The following CNIH3 variants were observed in gnomAD, a reference collection of about 807,000 sequenced individuals.
CNIH3 encodes protein cornichon homolog 3.
In CNIH3, 14 loss-of-function variants were observed where a neutral mutation model predicts 24.1. The ratio of observed to expected loss-of-function variants is 0.58; its 90% CI spans 0.38 to 0.91. The LOEUF (loss-of-function observed/expected upper bound fraction) is 0.91. CNIH3 is among the 40% of genes least tolerant of loss of function. The probability of loss-of-function intolerance (pLI) is 0.00; values close to 1 mark genes in which losing one functional copy is unlikely to be tolerated. For missense variants in CNIH3, 178 were observed against 196.8 expected (o/e 0.90, Z 0.57); for synonymous variants, 68 against 73.8 (o/e 0.92, Z 0.40).
At chr1:224,463,743 G>C (rs1247072791) in intron 1 of CNIH3, among the ~76,000 whole-genome samples, 1 of 103,752 alleles carries the variant, frequency 9.6e-6, no homozygotes, top group African/African-American at 3.9e-5. Context: ...GCTTTGTGAT[G>C]ATTTTTCTCC....
chr1:224,444,671 A>G (rs1675069388), intron 1 of CNIH3, among the ~76,000 whole-genome samples: 2 of 147,380 alleles, frequency 1.4e-5, no homozygotes, highest in Non-Finnish European at 3.0e-5. Flanking sequence ...TTTAGACGGA[A>G]TCTTTCTCTG....
chr1:224,556,103 C>T (rs1038820271), intron 3 of CNIH3, among the ~76,000 whole-genome samples: 10 of 152,016 alleles, frequency 6.6e-5, no homozygotes, highest in Non-Finnish European at 1.5e-5. Context: ...AATTCTTTGC[C>T]TGCAGGCATA....
intron 3 of CNIH3, among the ~76,000 whole-genome samples, chr1:224,722,389 A>G (rs745948828): frequency 6.6e-6 from 1 of 152,194 alleles, no homozygotes; most frequent in African/African-American, 2.4e-5. Context: ...GCTCTAGGCA[A>G]TTTGGATGCA....
chr1:224,621,378 AC>A (rs1683270635), intron 1 of CNIH3, among the ~76,000 whole-genome samples: 2 of 152,240 alleles, frequency 1.3e-5, no homozygotes, highest in African/African-American at 4.8e-5. Flanking sequence ...CCACCTGGAA[AC>A]AAAAAATGGG....
chr1:224,516,911 A>G (rs2124906109), intron 1 of CNIH3, among the ~76,000 whole-genome samples: 1 of 151,964 alleles, frequency 6.6e-6, no homozygotes, highest in South Asian at 2.1e-4. Context: ...TAGGAGCTAT[A>G]GGTATAAAGC....
At chr1:224,735,979 A>G (rs1689573865) in intron 5 of CNIH3, among the ~76,000 whole-genome samples, 1 of 151,992 alleles carries the variant, frequency 6.6e-6, no homozygotes, top group Admixed American at 6.6e-5. Context: ...CTTTGTACGT[A>G]TCGCTCAATT....
intron 1 of CNIH3, among the ~76,000 whole-genome samples, chr1:224,461,622 C>G (rs1341459423): frequency 6.6e-6 from 1 of 152,226 alleles, no homozygotes; most frequent in African/African-American, 2.4e-5. Context: ...GTGATTTAAA[C>G]AGTTTTAAAA....
At chr1:224,505,956 T>G (rs1316436074) in intron 1 of CNIH3, among the ~76,000 whole-genome samples, 2 of 152,186 alleles carry the variant, frequency 1.3e-5, no homozygotes, top group African/African-American at 4.8e-5. Flanking sequence ...TTATTTCTCT[T>G]GAAATGATTG....
At chr1:224,538,757 T>G (rs576350937), downstream of CNIH3, among the ~76,000 whole-genome samples, 11 of 151,834 alleles carry the variant, frequency 7.2e-5, no homozygotes, top group Admixed American at 5.3e-4. Context: ...ACTCCTGGGT[T>G]TATGTGATCC....
At chr1:224,589,168 G>T (rs775508812), downstream of CNIH3, among the ~76,000 whole-genome samples, 17 of 152,008 alleles carry the variant, frequency 1.1e-4, no homozygotes, top group Non-Finnish European at 2.2e-4. Flanking sequence ...ACCTCTGCCT[G>T]GATAGTAAGG....
At chr1:224,452,563 C>G (rs1339520721) in intron 1 of CNIH3, among the ~76,000 whole-genome samples, 3 of 148,896 alleles carry the variant, frequency 2.0e-5, no homozygotes, top group Non-Finnish European at 4.5e-5. Flanking sequence ...GGGCGGATCA[C>G]AAGGTCAGGA....
At chr1:224,657,871 C>T (rs1685172802) in intron 1 of CNIH3, among the ~76,000 whole-genome samples, 1 of 152,030 alleles carries the variant, frequency 6.6e-6, no homozygotes, top group African/African-American at 2.4e-5. Flanking sequence ...GGGTTGAAGA[C>T]ACAATTGACA....
downstream of CNIH3, among the ~76,000 whole-genome samples, chr1:224,593,238 C>T (rs190007518): frequency 2.6e-5 from 4 of 151,834 alleles, no homozygotes; most frequent in Non-Finnish European, 5.9e-5. Flanking sequence ...TCACTGCAAC[C>T]TCCATCTCCC....
At chr1:224,738,258 G>C (rs950021058) in intron 5 of CNIH3, among the ~76,000 whole-genome samples, 2 of 152,226 alleles carry the variant, frequency 1.3e-5, no homozygotes, top group African/African-American at 4.8e-5. Context: ...CATAACGAAT[G>C]AAAGTGAGTA....
chr1:224,472,003 T>C (rs1676393235), intron 1 of CNIH3, among the ~76,000 whole-genome samples: 1 of 152,226 alleles, frequency 6.6e-6, no homozygotes, highest in African/African-American at 2.4e-5. Context: ...TTGGCTATTG[T>C]CAATAGTGCT....
intron 3 of CNIH3, among the ~76,000 whole-genome samples, chr1:224,700,247 T>C (rs1687411279): frequency 6.6e-6 from 1 of 152,218 alleles, no homozygotes; most frequent in African/African-American, 2.4e-5. Context: ...GTGAGGTTAA[T>C]AGGGTCTTGG....
intron 3 of CNIH3, among the ~76,000 whole-genome samples, chr1:224,550,666 A>G (rs1284196503): frequency 1.3e-5 from 2 of 152,172 alleles, no homozygotes; most frequent in Non-Finnish European, 2.9e-5. Context: ...GTGTGTAAAC[A>G]CTGGATATAA....
At chr1:224,556,556 C>T (rs565713103) in intron 3 of CNIH3, among the ~76,000 whole-genome samples, 1 of 152,284 alleles carries the variant, frequency 6.6e-6, no homozygotes, top group Admixed American at 6.5e-5. Context: ...ATAATCTTTC[C>T]ATGGATGGGG....
intron 1 of CNIH3, among the ~76,000 whole-genome samples, chr1:224,486,110 A>AT (rs1339183918): frequency 6.6e-6 from 1 of 151,800 alleles, no homozygotes. Flanking sequence ...TTTACTTTGT[A>AT]TTTTTTGTGT....
Sources: allele counts gnomAD v4.1 joint callset (sites outside exome capture counted in the v4.1 genomes callset), GRCh38; gene constraint gnomAD v4.1.1; transcripts MANE v1.5; gene names NCBI Gene and HGNC (gene_info 2026-07-23, HGNC 2026-07-21).